KIAA1755: variants seen among roughly 807,000 people sequenced by gnomAD.
The protein encoded by KIAA1755 is uncharacterized protein KIAA1755.
KIAA1755 carries 68 observed loss-of-function variants against 91.7 expected under a neutral mutation model. That is an observed-to-expected ratio of 0.74 (90% CI 0.61 to 0.91). The LOEUF (loss-of-function observed/expected upper bound fraction) is 0.91, where lower values mean the gene tolerates loss of function less well. Ranked by LOEUF, KIAA1755 falls within the 40% of genes least tolerant of loss-of-function variation. The probability of loss-of-function intolerance (pLI) is 0.00; values close to 1 mark genes in which losing one functional copy is unlikely to be tolerated. For synonymous variants in KIAA1755, 610 were observed against 604.6 expected, an observed-to-expected ratio of 1.01 and a Z score of -0.13; for missense variants, 1,535 against 1,494.4, an observed-to-expected ratio of 1.03 and a Z score of -0.45.
chr20:38,213,218 G>A lies in KIAA1755; in HGVS notation c.3427C>T (p.His1143Tyr). 6.2e-7 allele frequency: 1 copy of A among 1,613,332 alleles called. No individual in the cohort carries two copies. Among genetic ancestry groups the A allele is most frequent in the Non-Finnish European group, 8.5e-7 (1 of 1,180,038 alleles). Reference sequence around the variant, plus strand: ...TCGCGGGCAGGGTCAGGCAGCTTGTGGGAGCCTTTGCCGTCTTCAGCCTCT... The same window carrying A: ...TCGCGGGCAGGGTCAGGCAGCTTGTAGGAGCCTTTGCCGTCTTCAGCCTCT... ...AAEAEDGKGS[H>Y]KLPDPAREHL... Residue 1143 changes from histidine (H) to tyrosine (Y), a missense_variant, in exon 14 of 14, where the codon CAC (histidine) becomes TAC (tyrosine). Coordinates refer to ENST00000279024, the MANE Select transcript of KIAA1755 (RefSeq NM_001029864.2).
chr20:38,251,716 C>T (rs1368618967), intron 1 of KIAA1755, among the ~76,000 whole-genome samples: 1 of 151,998 alleles, frequency 6.6e-6, no homozygotes, highest in Admixed American at 6.6e-5. Context: ...TAGGCACCCA[C>T]CACCGCGCCC....
rs765263130 is a variant in KIAA1755, at chr20:38,228,238, G to A, written c.1874C>T (p.Pro625Leu). The A allele has an allele frequency of 1.4e-5, 23 of 1,596,488 alleles. 1 individual carries two copies. In the East Asian group the frequency reaches 4.3e-4, roughly 30 times the overall value. Reference sequence around the variant, plus strand: ...CGCCAGCCCCTTGGCTTTATCTTCAGGCCTGTGGGTGGTAAACAGAATTGA... The same window carrying A: ...CGCCAGCCCCTTGGCTTTATCTTCAAGCCTGTGGGTGGTAAACAGAATTGA... ...LLSYLCTIPR[P>L]EDKAKGLAVL... The change falls in exon 6 of 14, where the codon CCT becomes CTT. Residue 625 changes from proline (P) to leucine (L), a missense_variant and splice_region_variant. Pro to Leu is a moderately conservative substitution (Grantham distance 98, BLOSUM62 -3). Coordinates refer to ENST00000279024, the MANE Select transcript of KIAA1755 (RefSeq NM_001029864.2).
rs1466173137 is a variant in KIAA1755, at chr20:38,213,873, C to A, written c.2902-130G>T. 9.9e-6 allele frequency: 6 copies of A among 606,526 alleles called. No individual in the cohort carries two copies. In the South Asian group the frequency reaches 1.3e-4, roughly 13 times the overall value. The allele number at this position is 606,526 out of a possible 1,614,324, so 37.6% of individuals were successfully genotyped here. ...TGATCTTCTCCACTGACCATGATGACCCTGGTTTCCCTCTCTTCCCTGGGG... is the reference window on the plus strand; with the variant it reads ...TGATCTTCTCCACTGACCATGATGAACCTGGTTTCCCTCTCTTCCCTGGGG... On this transcript the variant is annotated intron_variant, in intron 13 of 13. Transcript: ENST00000279024.
intron 13 of KIAA1755, among the ~76,000 whole-genome samples, chr20:38,214,646 G>A (rs2075512828): frequency 6.6e-6 from 1 of 152,128 alleles, no homozygotes; most frequent in South Asian, 2.1e-4. Context: ...AACCGGCCAG[G>A]CAGGGGTGTG....
intron 8 of KIAA1755, among the ~76,000 whole-genome samples, chr20:38,223,863 T>A (rs1417173403): frequency 6.6e-6 from 1 of 152,198 alleles, no homozygotes; most frequent in Non-Finnish European, 1.5e-5. Context: ...TTCTAACAAG[T>A]TCCCAGGTGT....
intron 1 of KIAA1755, among the ~76,000 whole-genome samples, chr20:38,251,081 A>AT (rs1226104706): frequency 6.6e-6 from 1 of 151,968 alleles, no homozygotes; most frequent in Non-Finnish European, 1.5e-5. Context: ...TATAAAGTAT[A>AT]TTTTTTGTTT....
chr20:38,214,651 G>C (rs967089891), intron 13 of KIAA1755, among the ~76,000 whole-genome samples: 1 of 152,114 alleles, frequency 6.6e-6, no homozygotes, highest in African/African-American at 2.4e-5. Context: ...GCCAGGCAGG[G>C]GTGTGCCCTC....
chr20:38,246,521 C>T (rs938771356), intron 1 of KIAA1755, among the ~76,000 whole-genome samples: 7 of 152,112 alleles, frequency 4.6e-5, no homozygotes, highest in East Asian at 1.9e-4. Flanking sequence ...CCAGTCTGAC[C>T]GCCTGGCTGG....
Position 38,212,889 on chromosome 20 carries a change from T to G in KIAA1755, c.*153A>C. ...GGAGTTTTCTGGAGCCAGGGGCAGGTCGACAGTTCTCATCCTCCCAGCAGA... is the reference window on the plus strand; with the variant it reads ...GGAGTTTTCTGGAGCCAGGGGCAGGGCGACAGTTCTCATCCTCCCAGCAGA... On this transcript the variant is annotated 3_prime_UTR_variant, in exon 14 of 14. Transcript: ENST00000279024. 1 of 594,386 alleles carries G rather than the reference T, an allele frequency of 1.7e-6. No homozygotes were observed. The highest frequency in any genetic ancestry group is 2.8e-6 in the Non-Finnish European group (1 of 354,132). 36.8% of individuals were successfully genotyped at this position (594,386 alleles called of 1,614,324 possible).
chr20:38,219,101 CGAGT>C (rs907602881), intron 11 of KIAA1755, among the ~76,000 whole-genome samples: 1 of 152,150 alleles, frequency 6.6e-6, no homozygotes, highest in African/African-American at 2.4e-5. Context: ...GGCCACACCA[CGAGT>C]AAGTGCTGGA....
rs1329837867 is a variant in KIAA1755, at chr20:38,218,284, T to C, written c.2639A>G (p.Lys880Arg). ...GAAGTTCTCAAATTCTGCGTGGGCT[T>C]TCTCCACTGTCTCCAAACTTCCATC... is the stretch of plus-strand genomic sequence containing the variant. ...PKDGSLETVE[K>R]AHAEFENFFL... is the part of the protein sequence containing the mutation. The change falls in exon 12 of 14, where the codon AAA becomes AGA. Residue 880 changes from lysine (K) to arginine (R), a missense_variant. Lys to Arg is a conservative substitution (Grantham distance 26). Transcript: ENST00000279024. 6.2e-7 allele frequency: 1 copy of C among 1,614,252 alleles called. No individual in the cohort carries two copies. Among genetic ancestry groups the C allele is most frequent in the Admixed American group, 1.7e-5 (1 of 60,026 alleles).
chr20:38,217,128 A>G (rs2075559194), intron 13 of KIAA1755, 125 bp downstream of exon 13: 1 of 791,210 alleles, frequency 1.3e-6, no homozygotes. Flanking sequence ...GTGTCTAGGT[A>G]TCCAAGGGAT....
chr20:38,234,957 C>T (rs2075932819), intron 4 of KIAA1755, among the ~76,000 whole-genome samples: 1 of 152,090 alleles, frequency 6.6e-6, no homozygotes, highest in Non-Finnish European at 1.5e-5. Flanking sequence ...TTGTGAGCCT[C>T]AGGTGAAAAT....
intron 2 of KIAA1755, among the ~76,000 whole-genome samples, chr20:38,243,255 C>T (rs902598243): frequency 3.9e-5 from 6 of 152,076 alleles, no homozygotes; most frequent in Non-Finnish European, 5.9e-5. Context: ...TTATTGATTG[C>T]GGAAATAGTG....
intron 2 of KIAA1755, among the ~76,000 whole-genome samples, chr20:38,244,740 A>T (rs1159329550): frequency 6.6e-6 from 1 of 151,982 alleles, no homozygotes; most frequent in Non-Finnish European, 1.5e-5. Context: ...ACAGGGTCTC[A>T]CTGTGCCACC....
intron 2 of KIAA1755, among the ~76,000 whole-genome samples, chr20:38,243,337 C>T (rs1439741342): frequency 6.6e-6 from 1 of 152,224 alleles, no homozygotes; most frequent in African/African-American, 2.4e-5. Context: ...TGGGCTGCCT[C>T]AGAGAAGCTT....
Position 38,230,152 on chromosome 20 carries a change from G to A in KIAA1755, c.1871+1050C>T, listed in dbSNP as rs117833838. 2.3e-3 allele frequency among the ~76,000 whole-genome samples: 343 copies of A among 152,294 alleles called. 4 individuals carry two copies. The East Asian group carries it at 0.043, about 19-fold the overall frequency. ...AAAGAGGGCGCCTCTTCCCCAGCCAGTCCATTAAGTCTGAATGGTGGCAGG... is the reference window on the plus strand; with the variant it reads ...AAAGAGGGCGCCTCTTCCCCAGCCAATCCATTAAGTCTGAATGGTGGCAGG... On this transcript the variant is annotated intron_variant, in intron 5 of 13. Transcript: ENST00000279024.
At chr20:38,255,299 C>T (rs2076321761) in intron 1 of KIAA1755, among the ~76,000 whole-genome samples, 1 of 152,112 alleles carries the variant, frequency 6.6e-6, no homozygotes, top group Admixed American at 6.6e-5. Flanking sequence ...TGAAGACAGA[C>T]ACTGGCTGAG....
intron 1 of KIAA1755, among the ~76,000 whole-genome samples, chr20:38,249,777 C>T (rs2076215780): frequency 6.6e-6 from 1 of 152,060 alleles, no homozygotes; most frequent in African/African-American, 2.4e-5. Context: ...CTCATCTGGC[C>T]CGGTGTCCTC....
Sources: allele counts gnomAD v4.1 joint callset (sites outside exome capture counted in the v4.1 genomes callset), GRCh38; gene constraint gnomAD v4.1.1; transcripts MANE v1.5; gene names NCBI Gene and HGNC (gene_info 2026-07-23, HGNC 2026-07-21).